The following OXCT1 variants were observed in gnomAD, a reference collection of about 807,000 sequenced individuals.
OXCT1 encodes the protein succinyl-CoA:3-ketoacid coenzyme A transferase 1, mitochondrial.
A neutral mutation model predicts 69.6 loss-of-function variants in OXCT1; 27 were observed. The ratio of observed to expected loss-of-function variants is 0.39; its 90% CI spans 0.29 to 0.54. OXCT1 has a LOEUF of 0.54. Ranked by LOEUF, OXCT1 falls within the 20% of genes least tolerant of loss-of-function variation. The pLI, the probability that OXCT1 is intolerant of heterozygous loss-of-function variation, is 0.72. For synonymous variants in OXCT1, 202 were observed against 217.8 expected (o/e 0.93, Z 0.64); for missense variants, 437 against 650.2 (o/e 0.67, Z 3.57).
chr5:41,866,922 T>C (rs1328647994), intron 1 of OXCT1, among the ~76,000 whole-genome samples: 1 of 152,136 alleles, frequency 6.6e-6, no homozygotes, highest in Non-Finnish European at 1.5e-5. Context: ...GGGAGCCACA[T>C]GAGTAAGAGT....
Position 41,870,424 on chromosome 5 carries a change from G to C in OXCT1, c.-66C>G. The C allele has an allele frequency of 7.9e-7, 1 of 1,261,560 alleles. No homozygotes were observed. Among genetic ancestry groups the C allele is most frequent in the Non-Finnish European group, 1.1e-6 (1 of 874,114 alleles). 78.1% of individuals were successfully genotyped at this position (1,261,560 alleles called of 1,614,324 possible). A position where few individuals can be genotyped will look rare whatever the true frequency, so the allele number is the denominator to read the frequency against. On this transcript the variant is annotated 5_prime_UTR_variant, in exon 1 of 17. Transcript: ENST00000196371. This position sits in a 1 kb window ranked among gnomAD's most constrained non-coding sequence, Gnocchi z 4.2. ...CGCGTTTGAGCGTCGGTGCGCGACT[G>C]CGAAGGAAACCCGGGCGGGCTGGAG...
At chr5:41,765,352 G>C (rs563783144) in intron 13 of OXCT1, among the ~76,000 whole-genome samples, 9 of 152,252 alleles carry the variant, frequency 5.9e-5, no homozygotes, top group Admixed American at 3.3e-4. Context: ...CATCCAAAGC[G>C]ACTTTGGAAG....
chr5:41,837,377 A>G (rs986875407), intron 7 of OXCT1, among the ~76,000 whole-genome samples: 2 of 152,080 alleles, frequency 1.3e-5, no homozygotes, highest in African/African-American at 4.8e-5. Context: ...ACTGCTTAAG[A>G]TACTATAGTA....
chr5:41,859,868 T>TATATATATATATATATAAC (rs1749639261), intron 3 of OXCT1, among the ~76,000 whole-genome samples: 3 of 114,710 alleles, frequency 2.6e-5, no homozygotes, highest in Non-Finnish European at 5.6e-5. Context: ...TATAGTAATA[T>TATATATATATATATATAAC]ATATATATAT....
intron 13 of OXCT1, among the ~76,000 whole-genome samples, chr5:41,786,277 T>C (rs1334610484): frequency 6.6e-6 from 1 of 152,158 alleles, no homozygotes; most frequent in East Asian, 1.9e-4. Flanking sequence ...CAGCTTTAAA[T>C]ATTTTTATGG....
chr5:41,751,899 C>T (rs527244297), intron 14 of OXCT1, among the ~76,000 whole-genome samples: 1 of 152,130 alleles, frequency 6.6e-6, no homozygotes, highest in South Asian at 2.1e-4. Context: ...CAGGACATAA[C>T]ACAGATCAAG....
chr5:41,804,774 A>G (rs1746593998), intron 9 of OXCT1, among the ~76,000 whole-genome samples: 1 of 152,126 alleles, frequency 6.6e-6, no homozygotes, highest in Non-Finnish European at 1.5e-5. Context: ...GAAGACTGAC[A>G]TTCATGGACC....
chr5:41,824,640 TAAAA>T (rs1747716300), intron 7 of OXCT1, among the ~76,000 whole-genome samples: 1 of 152,092 alleles, frequency 6.6e-6, no homozygotes. Context: ...AAACTATAAA[TAAAA>T]CAGCAGCTAA....
At chr5:41,811,684 A>C (rs1746993455) in intron 7 of OXCT1, among the ~76,000 whole-genome samples, 1 of 152,040 alleles carries the variant, frequency 6.6e-6, no homozygotes, top group Admixed American at 6.6e-5. Context: ...AAATGCACAA[A>C]GACTGAAAAG....
intron 7 of OXCT1, among the ~76,000 whole-genome samples, chr5:41,834,007 T>G (rs998120391): frequency 8.9e-4 from 133 of 149,016 alleles, no homozygotes; most frequent in African/African-American, 3.2e-3. Context: ...AAATTCCGTC[T>G]CAAAAAAAAA....
intron 10 of OXCT1, among the ~76,000 whole-genome samples, chr5:41,802,462 T>G (rs943594683): frequency 2.0e-5 from 3 of 152,086 alleles, no homozygotes; most frequent in African/African-American, 7.2e-5. Context: ...TCTGGATGCT[T>G]AATCTTAAGG....
intron 13 of OXCT1, among the ~76,000 whole-genome samples, chr5:41,764,627 T>G (rs1352637479): frequency 6.6e-6 from 1 of 152,210 alleles, no homozygotes; most frequent in Non-Finnish European, 1.5e-5. Flanking sequence ...CTTTATACTA[T>G]TCAGTATGTA....
chr5:41,833,376 G>T (rs1310750824), intron 7 of OXCT1, among the ~76,000 whole-genome samples: 3 of 152,022 alleles, frequency 2.0e-5, no homozygotes, highest in Non-Finnish European at 4.4e-5. Context: ...CTGAAGGAAA[G>T]AAACTTTTGC....
At chr5:41,751,565 T>A (rs1375633377) in intron 14 of OXCT1, among the ~76,000 whole-genome samples, 1 of 152,104 alleles carries the variant, frequency 6.6e-6, no homozygotes, top group Admixed American at 6.6e-5. Flanking sequence ...TGCTTCTCCA[T>A]CCACCCTACC....
chr5:41,805,768 G>A, intron 8 of OXCT1, 87 bp from the exon 9 acceptor site: 1 of 858,704 alleles, frequency 1.2e-6, no homozygotes, highest in East Asian at 2.5e-5. Flanking sequence ...TGGAAAAAAA[G>A]ATGAGCTCTC....
intron 7 of OXCT1, among the ~76,000 whole-genome samples, chr5:41,831,706 G>A (rs1056810078): frequency 4.6e-5 from 7 of 152,170 alleles, no homozygotes; most frequent in African/African-American, 1.7e-4. Context: ...AAGAGATGGG[G>A]ATGTGAATGG....
chr5:41,854,603 A>AT (rs1055890270), intron 3 of OXCT1, among the ~76,000 whole-genome samples: 1 of 151,450 alleles, frequency 6.6e-6, no homozygotes, highest in Non-Finnish European at 1.5e-5. Context: ...TAATGACAAA[A>AT]TTTTTTTTTA....
At chr5:41,755,285 T>C (rs1001611399) in intron 14 of OXCT1, among the ~76,000 whole-genome samples, 1 of 152,058 alleles carries the variant, frequency 6.6e-6, no homozygotes, top group Non-Finnish European at 1.5e-5. Flanking sequence ...TCTCCCATTT[T>C]ATAACGTTTT....
At chr5:41,866,567 T>C (rs1749985457) in intron 1 of OXCT1, among the ~76,000 whole-genome samples, 1 of 152,222 alleles carries the variant, frequency 6.6e-6, no homozygotes, top group African/African-American at 2.4e-5. Context: ...GAGCACGGCA[T>C]CACTCCCAAG....
Sources: allele counts gnomAD v4.1 joint callset (sites outside exome capture counted in the v4.1 genomes callset), GRCh38; gene constraint gnomAD v4.1.1; non-coding constraint Gnocchi (gnomAD v3.1); transcripts MANE v1.5; gene names NCBI Gene and HGNC (gene_info 2026-07-23, HGNC 2026-07-21).